DNAH6: variants seen among roughly 807,000 people sequenced by gnomAD.
DNAH6 encodes axonemal beta dynein heavy chain 6.
Under a neutral mutation model 491.4 loss-of-function variants are expected in DNAH6, and 340 were observed. The ratio of observed to expected loss-of-function variants is 0.69; its 90% confidence interval spans 0.63 to 0.76. The LOEUF (loss-of-function observed/expected upper bound fraction) is 0.76. Among genes scored for constraint, DNAH6 ranks in the 30% least tolerant of loss-of-function variants. The probability of loss-of-function intolerance (pLI) is 0.00; values close to 1 mark genes in which losing one functional copy is unlikely to be tolerated. For synonymous variants in DNAH6, 1,603 were observed against 1,686.1 expected (o/e 0.95, Z 1.21); for missense variants, 4,443 against 4,972.2 (o/e 0.89, Z 3.20).
chr2:84,723,382 C>T (rs1698347223), intron 60 of DNAH6, among the ~76,000 whole-genome samples: 1 of 152,074 alleles, frequency 6.6e-6, no homozygotes, highest in South Asian at 2.1e-4. Context: ...GCACAGAACA[C>T]TCTGTAGAGG....
the DNAH6 span, among the ~76,000 whole-genome samples, chr2:84,499,667 A>G: frequency 6.6e-6 from 1 of 152,284 alleles, no homozygotes; most frequent in Admixed American, 6.5e-5. Flanking sequence ...ATCACTGTAC[A>G]AGGGTTCCCT....
chr2:84,762,813 C>G lies in DNAH6; in HGVS notation c.10571C>G (p.Thr3524Arg), dbSNP rs1399679280. 5.2e-6 allele frequency: 8 copies of G among 1,551,090 alleles called. No homozygotes were observed. In the African/African-American group the frequency reaches 1.1e-4, roughly 21 times the overall value. The change falls in exon 64 of 77, where the codon ACA becomes AGA. Residue 3524 changes from threonine (T) to arginine (R), a missense_variant. Physicochemically the swap from Thr to Arg is moderately conservative, Grantham distance 71. Coordinates refer to ENST00000389394, the MANE Select transcript of DNAH6 (RefSeq NM_001370.2). ...AATCTTGGAAAACAGTTTATAGAGA[C>G]ACCACCTGTGGACCTGCCTACCCTG... ...IENLGKQFIE[T>R]PPVDLPTLYQ...
rs115919457 is a variant in DNAH6 at position 84,685,565 on chromosome 2, T to C, written c.7063+93T>C. On this transcript the variant is annotated intron_variant, in intron 43 of 76. Coordinates refer to ENST00000389394, the MANE Select transcript of DNAH6 (RefSeq NM_001370.2). Reference sequence around the variant, plus strand: ...ACAATTAACACAAAAAGAATTTTCATAATTTATGAGTAAAAGTTATTTTCT... The same window carrying C: ...ACAATTAACACAAAAAGAATTTTCACAATTTATGAGTAAAAGTTATTTTCT... 9.2e-4 allele frequency: 660 copies of C among 714,258 alleles called. 2 individuals carry two copies. The African/African-American group carries it at 0.011, about 12-fold the overall frequency. 44.2% of individuals were successfully genotyped at this position (714,258 alleles called of 1,614,324 possible).
At chr2:84,540,730 A>G (rs1312890057) in intron 4 of DNAH6, among the ~76,000 whole-genome samples, 1 of 152,192 alleles carries the variant, frequency 6.6e-6, no homozygotes, top group Non-Finnish European at 1.5e-5. Context: ...AGTTAATAGA[A>G]GTCTTGAAGT....
rs1677295919 is a variant in DNAH6, at chr2:84,787,315, T to C, written c.11239+13T>C. 1.3e-6 allele frequency: 2 copies of C among 1,544,918 alleles called. No individual in the cohort carries two copies. The highest frequency in any genetic ancestry group is 1.2e-5 in the South Asian group (1 of 82,432). On this transcript the variant is annotated intron_variant, in intron 68 of 76. Transcript: ENST00000389394. ...ATTTACATTACTGGTGAGTACGTCCTTGTGGCCAGGCCTTCCATCTATGTA... is the reference window on the plus strand; with the variant it reads ...ATTTACATTACTGGTGAGTACGTCCCTGTGGCCAGGCCTTCCATCTATGTA...
rs1303420822 is a variant in DNAH6, at chr2:84,672,438, T to G, written c.6566T>G (p.Phe2189Cys). 3.9e-6 allele frequency: 6 copies of G among 1,551,596 alleles called. No individual in the cohort carries two copies. In the South Asian group the frequency reaches 7.1e-5, roughly 18 times the overall value. Residue 2189 changes from phenylalanine to cysteine, a missense_variant, in exon 40 of 77, where the codon TTT (phenylalanine) becomes TGT (cysteine). Around this residue, in one of 3 missense-constraint regions of DNAH6, gnomAD observed 2,977 missense variants for 3,296.6 expected, o/e 0.90. Transcript: ENST00000389394. Reference sequence around the variant, plus strand: ...GAATTACTTCGGCAGTATCAAGATTTTGGGGGATTTTATGACAGAAACAAA... The same window carrying G: ...GAATTACTTCGGCAGTATCAAGATTGTGGGGGATTTTATGACAGAAACAAA... ...PIELLRQYQD[F>C]GGFYDRNKLF...
chr2:84,753,755 T>TAAAAAAAAAAAAAAAA (rs1162541312), intron 63 of DNAH6, among the ~76,000 whole-genome samples: 28 of 77,124 alleles, frequency 3.6e-4, no homozygotes, highest in East Asian at 8.3e-4. Context: ...GAAACTCTGT[T>TAAAAAAAAAAAAAAAA]AAAAAAAAAA....
In DNAH6 at chr2:84,791,308, T is replaced by A. The variant is rs543482005; in HGVS notation, c.11239+4006T>A. 1.4e-4 allele frequency among the ~76,000 whole-genome samples: 22 copies of A among 151,750 alleles called. No individual in the cohort carries two copies. The East Asian group carries it at 3.1e-3, about 21-fold the overall frequency. On this transcript the variant is annotated intron_variant, in intron 68 of 76. Transcript: ENST00000389394. The stretch of plus-strand genomic sequence containing the variant: ...GTCCATTAACTGGTGAATGGCTAAG[T>A]AAAATATGGCATATCCATAAATAGA...
intron 22 of DNAH6, 81 bp from the exon 23 acceptor site, chr2:84,616,805 T>G: frequency 1.6e-6 from 1 of 614,834 alleles, no homozygotes; most frequent in Non-Finnish European, 2.6e-6. Context: ...ATAAATTGAT[T>G]ACATTTTAAA....
At chr2:84,483,280 A>T in the DNAH6 span, among the ~76,000 whole-genome samples, 2 of 152,094 alleles carry the variant, frequency 1.3e-5, no homozygotes, top group African/African-American at 4.8e-5. Flanking sequence ...TTGTATTTTT[A>T]AAAAACTCCC....
At chr2:84,521,068 A>T (rs1393517599) in intron 2 of DNAH6, among the ~76,000 whole-genome samples, 1 of 152,018 alleles carries the variant, frequency 6.6e-6, no homozygotes, top group East Asian at 1.9e-4. Flanking sequence ...AATACTCTCC[A>T]TCTAGCTTTT....
the DNAH6 span, among the ~76,000 whole-genome samples, chr2:84,481,244 T>G: frequency 5.3e-5 from 8 of 152,188 alleles, no homozygotes; most frequent in Non-Finnish European, 8.8e-5. Context: ...CACTAACCCC[T>G]GTGTCCCAGA....
chr2:84,749,259 G>C (rs1276477286), intron 63 of DNAH6, among the ~76,000 whole-genome samples: 1 of 152,164 alleles, frequency 6.6e-6, no homozygotes, highest in East Asian at 1.9e-4. Context: ...AAAGAATAGA[G>C]AATGCAAGAC....
At chr2:84,585,025 A>G (rs1192209832) in intron 15 of DNAH6, among the ~76,000 whole-genome samples, 1 of 152,228 alleles carries the variant, frequency 6.6e-6, no homozygotes, top group East Asian at 1.9e-4. Context: ...ACAGACATTA[A>G]AGATTACAGT....
chr2:84,515,550 A>T (rs1675532400), upstream of DNAH6, among the ~76,000 whole-genome samples: 1 of 152,254 alleles, frequency 6.6e-6, no homozygotes, highest in South Asian at 2.1e-4. Flanking sequence ...GAGTACAATA[A>T]TGTAAAGAAC....
intron 4 of DNAH6, among the ~76,000 whole-genome samples, chr2:84,534,130 A>G (rs917513598): frequency 1.3e-5 from 2 of 152,076 alleles, no homozygotes; most frequent in Admixed American, 1.3e-4. Flanking sequence ...CTGAGTGAGT[A>G]TCAAATGCCC....
chr2:84,782,722 T>G (rs1437213637), intron 65 of DNAH6, among the ~76,000 whole-genome samples: 1 of 152,232 alleles, frequency 6.6e-6, no homozygotes, highest in Non-Finnish European at 1.5e-5. Context: ...GGCCTGTGGC[T>G]TATTTCTACT....
chr2:84,625,447 T>TGA (rs1214294515), intron 29 of DNAH6, among the ~76,000 whole-genome samples: 1 of 151,780 alleles, frequency 6.6e-6, no homozygotes, highest in Non-Finnish European at 1.5e-5. Context: ...ATGTGGGAGG[T>TGA]GAGAATTCAT....
chr2:84,617,715 C>T (rs766763900), intron 23 of DNAH6, among the ~76,000 whole-genome samples: 9 of 151,946 alleles, frequency 5.9e-5, no homozygotes, highest in Non-Finnish European at 1.2e-4. Flanking sequence ...TGTATATGTG[C>T]ACAAACATGT....
Sources: allele counts gnomAD v4.1 joint callset (sites outside exome capture counted in the v4.1 genomes callset), GRCh38; gene constraint gnomAD v4.1.1; regional missense constraint gnomAD v4.1.1; transcripts MANE v1.5; gene names NCBI Gene and HGNC (gene_info 2026-07-23, HGNC 2026-07-21).